Variants in WDR62 observed in about 807,000 individuals in gnomAD.
WDR62 encodes WD repeat domain 62, also known as WD repeat-containing protein 62.
In WDR62, 112 loss-of-function variants were observed where a neutral mutation model predicts 160.6. That is an observed-to-expected ratio of 0.70 (90% CI 0.60 to 0.82). The LOEUF is 0.82. WDR62 is among the 40% of genes least tolerant of loss of function. The pLI is 0.00. For missense variants in WDR62, 1,819 were observed against 1,983.8 expected, an observed-to-expected ratio of 0.92 and a Z score of 1.58; for synonymous variants, 792 against 815.1, an observed-to-expected ratio of 0.97 and a Z score of 0.48.
intron 13 of WDR62, among the ~76,000 whole-genome samples, 196 bp from the exon 14 acceptor site, chr19:36,088,842 G>A (rs1038226041): frequency 1.3e-5 from 2 of 152,186 alleles, no homozygotes; most frequent in Non-Finnish European, 2.9e-5. Flanking sequence ...CTTGGCCACA[G>A]CTCCACCTGT....
At chr19:36,059,840 G>GGGA in intron 2 of WDR62, 128 bp from the exon 3 acceptor site, 1 of 913,756 alleles carries the variant, frequency 1.1e-6, no homozygotes. Context: ...CTGGAGGAGG[G>GGGA]GGAGGAGGAG....
intron 3 of WDR62, among the ~76,000 whole-genome samples, chr19:36,065,714 C>G (rs574952211): frequency 2.6e-5 from 4 of 152,348 alleles, no homozygotes; most frequent in African/African-American, 9.6e-5. Flanking sequence ...CATACAGTGT[C>G]TACTCCATTT....
Position 36,092,678 on chromosome 19 carries a change from G to C in WDR62, c.2211-11G>C, listed in dbSNP as rs752543842. ...TCCTCTGCCTTGTGTGTCTCTCTTT[G>C]ACCTCCGCAGCTGCGTGTTCATCTG... is the stretch of plus-strand genomic sequence containing the variant. On this transcript the variant is annotated splice_polypyrimidine_tract_variant and intron_variant, in intron 18 of 31. Coordinates refer to ENST00000401500, the MANE Select transcript of WDR62 (RefSeq NM_001083961.2). 2.5e-6 allele frequency: 4 copies of C among 1,613,968 alleles called. No individual in the cohort carries two copies. The Admixed American group carries it at 6.7e-5, about 27-fold the overall frequency.
intron 18 of WDR62, among the ~76,000 whole-genome samples, chr19:36,091,914 C>T (rs1972637078): frequency 6.6e-6 from 1 of 151,706 alleles, no homozygotes; most frequent in African/African-American, 2.4e-5. Flanking sequence ...AAAACATATC[C>T]CAGCTCTGCC....
chr19:36,079,907 T>C (rs1371708132), intron 9 of WDR62, among the ~76,000 whole-genome samples: 3 of 152,172 alleles, frequency 2.0e-5, no homozygotes, highest in Admixed American at 1.3e-4. Context: ...GTTTTTCTTA[T>C]GTCGAGATTT....
chr19:36,086,538 G>T, intron 12 of WDR62, 149 bp from the exon 13 acceptor site: 1 of 944,584 alleles, frequency 1.1e-6, no homozygotes, highest in Non-Finnish European at 1.6e-6. Context: ...TAAGGGAGTG[G>T]CCCTTGCCAG....
At chr19:36,055,181 C>T in intron 1 of WDR62, 33 bp downstream of exon 1, 1 of 1,587,014 alleles carries the variant, frequency 6.3e-7, no homozygotes, top group Non-Finnish European at 8.6e-7. Context: ...TACCCCAGTT[C>T]CAGGCTTCCT....
intron 12 of WDR62, among the ~76,000 whole-genome samples, chr19:36,086,257 C>G (rs907084143): frequency 1.1e-4 from 16 of 151,736 alleles, no homozygotes; most frequent in African/African-American, 3.4e-4. Context: ...AGATGGGAGT[C>G]TGGCCACAGG....
chr19:36,109,404 G>A (rs995098428), downstream of WDR62, among the ~76,000 whole-genome samples: 16 of 152,198 alleles, frequency 1.1e-4, no homozygotes, highest in South Asian at 6.2e-4. Context: ...ATGGACTTAC[G>A]CGATCATTTT....
intron 3 of WDR62, 24 bp downstream of exon 3, chr19:36,060,054 G>T: frequency 6.2e-7 from 1 of 1,613,876 alleles, no homozygotes; most frequent in Non-Finnish European, 8.5e-7. Flanking sequence ...TGGGCCCGGG[G>T]CAGGGGTGGA....
At chr19:36,069,453 C>T (rs1482604585) in intron 7 of WDR62, among the ~76,000 whole-genome samples, 1 of 151,926 alleles carries the variant, frequency 6.6e-6, no homozygotes, top group Middle Eastern at 3.2e-3. Context: ...CAGAGACGCT[C>T]CTCACTTTCT....
chr19:36,067,314 C>T lies in WDR62; in HGVS notation c.570C>T (p.Ile190=), dbSNP rs374729985. Residue 190 remains isoleucine, a synonymous_variant, in exon 6 of 32, where the codon ATC becomes ATT. Transcript: ENST00000401500. ...TGCACTTATTCTTCCAGAAAGACAT[C>T]GTAGTGGCCTCCAACAAGGTATCTT... The part of the protein sequence containing the change: ...VLNVWDWKKD[I]VVASNKVSCR... 1.4e-5 allele frequency: 22 copies of T among 1,614,164 alleles called. No homozygotes were observed. In the African/African-American group the frequency reaches 1.6e-4, roughly 12 times the overall value.
downstream of WDR62, among the ~76,000 whole-genome samples, chr19:36,109,540 C>T (rs1314620638): frequency 6.6e-6 from 1 of 151,672 alleles, no homozygotes; most frequent in East Asian, 1.9e-4. Flanking sequence ...TTGAGACCAG[C>T]CTGCCCAACA....
At chr19:36,091,340 T>TCGC in intron 17 of WDR62, 29 bp downstream of exon 17, 1 of 1,579,166 alleles carries the variant, frequency 6.3e-7, no homozygotes, top group Non-Finnish European at 8.7e-7. Flanking sequence ...TTGGGATGCC[T>TCGC]CCCCACCCGC....
intron 8 of WDR62, among the ~76,000 whole-genome samples, chr19:36,072,989 C>T (rs113332158): frequency 1.3e-3 from 199 of 152,250 alleles, no homozygotes; most frequent in African/African-American, 4.5e-3. Context: ...TTTGATCATG[C>T]GTTGGTGAGG....
At chr19:36,094,710 C>T (rs1274736227) in intron 20 of WDR62, among the ~76,000 whole-genome samples, 1 of 150,684 alleles carries the variant, frequency 6.6e-6, no homozygotes, top group Non-Finnish European at 1.5e-5. Flanking sequence ...GGCAACATAG[C>T]GAGAGCCCAT....
rs191312899 is a variant in WDR62 at position 36,080,269 on chromosome 19, G to A, written c.1234-1164G>A. On this transcript the variant is annotated intron_variant, in intron 9 of 31. Transcript: ENST00000401500. ...ACTACAGGTGCCTGCCACCACGCCC[G>A]GCTAATTTTTTGTATTTTTTTTTTT... 2.7e-5 allele frequency among the ~76,000 whole-genome samples: 4 copies of A among 148,990 alleles called. No individual in the cohort carries two copies. In the East Asian group the frequency reaches 7.9e-4, roughly 30 times the overall value.
At position 36,089,082 on chromosome 19, in the gene WDR62, A is replaced by G; in HGVS notation, c.1813A>G (p.Ile605Val). The change falls in exon 14 of 32, where the codon ATC (isoleucine) becomes GTC (valine). Residue 605 changes from isoleucine (I) to valine (V), a missense_variant. By Grantham distance (29) the Ile-to-Val change is conservative. Around this residue, in one of 3 missense-constraint regions of WDR62, gnomAD observed 934 missense variants for 1,157.2 expected, o/e 0.81. Coordinates refer to ENST00000401500, the MANE Select transcript of WDR62 (RefSeq NM_001083961.2). ...QMISCGADKS[I>V]YFRSAQQGSD... ...GATCAGCTGTGGGGCTGACAAGAGC[A>G]TCTACTTTCGCAGTGCCCAGCAGGT... 1 of 1,614,144 alleles carries G rather than the reference A, an allele frequency of 6.2e-7. No individual in the cohort carries two copies.
chr19:36,076,977 GTATA>G (rs141210875), intron 9 of WDR62, among the ~76,000 whole-genome samples: 3 of 151,038 alleles, frequency 2.0e-5, no homozygotes, highest in Non-Finnish European at 3.0e-5. Flanking sequence ...GTGTGTGTGT[GTATA>G]TATATATATA....
Sources: allele counts gnomAD v4.1 joint callset (sites outside exome capture counted in the v4.1 genomes callset), GRCh38; gene constraint gnomAD v4.1.1; regional missense constraint gnomAD v4.1.1; transcripts MANE v1.5; gene names NCBI Gene and HGNC (gene_info 2026-07-23, HGNC 2026-07-21).